Variants in ZDHHC14 observed in about 807,000 individuals in gnomAD.
The protein encoded by ZDHHC14 is palmitoyltransferase ZDHHC14.
Under a neutral mutation model 47.7 loss-of-function variants are expected in ZDHHC14, and 16 were observed. That is an observed-to-expected ratio of 0.34 (90% CI 0.23 to 0.51). The LOEUF (loss-of-function observed/expected upper bound fraction) is 0.51, where lower values mean the gene tolerates loss of function less well. Among genes scored for constraint, ZDHHC14 ranks in the 20% least tolerant of loss-of-function variants. The probability of loss-of-function intolerance (pLI) is 0.97; values close to 1 mark genes in which losing one functional copy is unlikely to be tolerated. For synonymous variants in ZDHHC14, 293 were observed against 278.9 expected (o/e 1.05, Z -0.50); for missense variants, 515 against 662.5 (o/e 0.78, Z 2.44).
intron 1 of ZDHHC14, among the ~76,000 whole-genome samples, chr6:157,497,795 A>G (rs1214618661): frequency 2.0e-5 from 3 of 152,342 alleles, no homozygotes; most frequent in Non-Finnish European, 4.4e-5. Flanking sequence ...GACTTGCCCA[A>G]TCATACTACT....
At chr6:157,398,628 C>A (rs1159425121) in intron 1 of ZDHHC14, among the ~76,000 whole-genome samples, 1 of 152,160 alleles carries the variant, frequency 6.6e-6, no homozygotes, top group Non-Finnish European at 1.5e-5. Context: ...ATTACTGATG[C>A]TCCAGAAACA....
At chr6:157,535,355 G>A (rs559195393) in intron 1 of ZDHHC14, among the ~76,000 whole-genome samples, 34 of 152,238 alleles carry the variant, frequency 2.2e-4, no homozygotes, top group Non-Finnish European at 3.5e-4. Context: ...TCCTCGACTC[G>A]GTAGGGTGAC....
chr6:157,504,964 C>G (rs1189669625), intron 1 of ZDHHC14, among the ~76,000 whole-genome samples: 1 of 151,918 alleles, frequency 6.6e-6, no homozygotes, highest in African/African-American at 2.4e-5. Context: ...GTGAGCGCCA[C>G]CACACCCGGC....
At chr6:157,598,343 C>T (rs1297506035) in intron 3 of ZDHHC14, among the ~76,000 whole-genome samples, 2 of 152,098 alleles carry the variant, frequency 1.3e-5, no homozygotes, top group Non-Finnish European at 2.9e-5. Context: ...AGCTGAGATT[C>T]GTATCCTTGT....
At chr6:157,513,166 G>T (rs1433122600) in intron 1 of ZDHHC14, among the ~76,000 whole-genome samples, 1 of 152,210 alleles carries the variant, frequency 6.6e-6, no homozygotes, top group Non-Finnish European at 1.5e-5. Context: ...CAGCTTGTTC[G>T]TGACGTCTCG....
chr6:157,412,855 A>G (rs1047268966), intron 1 of ZDHHC14, among the ~76,000 whole-genome samples: 2 of 152,230 alleles, frequency 1.3e-5, no homozygotes, highest in African/African-American at 4.8e-5. Flanking sequence ...GTGAGGATAT[A>G]GCGTTGGGAA....
chr6:157,419,353 T>C (rs1393257582), intron 1 of ZDHHC14, among the ~76,000 whole-genome samples: 2 of 152,204 alleles, frequency 1.3e-5, no homozygotes, highest in African/African-American at 2.4e-5. Flanking sequence ...AAATAGTTTT[T>C]TCATATCAGA....
Position 157,677,256 on chromosome 6 carries a change from A to C in ZDHHC14, c.*4134A>C, listed in dbSNP as rs1376656712. 4 of 151,746 alleles carry C rather than the reference A, an allele frequency of 2.6e-5. No individual in the cohort carries two copies. Among genetic ancestry groups the C allele is most frequent in the African/African-American group, 7.3e-5 (3 of 41,332 alleles). The allele number at this position is 151,746 out of a possible 1,614,324, so 9.4% of individuals were successfully genotyped here. ...TACCTCATTTAAAAAAAAAAAAAAA[A>C]AAAAACTGCCTCTCATTTGTTCCCT... On this transcript the variant is annotated 3_prime_UTR_variant, in exon 9 of 9. Coordinates refer to ENST00000359775, the MANE Select transcript of ZDHHC14 (RefSeq NM_024630.3).
At chr6:157,390,065 A>C (rs186225597) in intron 1 of ZDHHC14, among the ~76,000 whole-genome samples, 25 of 152,188 alleles carry the variant, frequency 1.6e-4, no homozygotes, top group Admixed American at 8.5e-4. Flanking sequence ...AATTATTATC[A>C]GCATTTCTTA....
chr6:157,560,296 A>G (rs1008738621), intron 2 of ZDHHC14, among the ~76,000 whole-genome samples: 7 of 152,232 alleles, frequency 4.6e-5, no homozygotes, highest in African/African-American at 1.4e-4. Flanking sequence ...ACCTTCTTCA[A>G]AAGCCTGTGG....
chr6:157,458,089 C>T (rs1048870256), intron 1 of ZDHHC14, among the ~76,000 whole-genome samples: 2 of 152,234 alleles, frequency 1.3e-5, no homozygotes, highest in African/African-American at 4.8e-5. Flanking sequence ...CCTCTTTCTG[C>T]ACTCGGTATG....
chr6:157,440,047 C>G (rs922383733), intron 1 of ZDHHC14, among the ~76,000 whole-genome samples: 2 of 152,042 alleles, frequency 1.3e-5, no homozygotes, highest in African/African-American at 4.8e-5. Context: ...GGAAAAATGG[C>G]TAATGCATGC....
intron 1 of ZDHHC14, among the ~76,000 whole-genome samples, chr6:157,439,197 C>G (rs1778510342): frequency 6.6e-6 from 1 of 152,096 alleles, no homozygotes; most frequent in African/African-American, 2.4e-5. Flanking sequence ...CATCTTAGGG[C>G]CTTTAAGAAA....
At chr6:157,399,610 A>G (rs1034456324) in intron 1 of ZDHHC14, among the ~76,000 whole-genome samples, 5 of 152,258 alleles carry the variant, frequency 3.3e-5, no homozygotes, top group Admixed American at 1.3e-4. Context: ...AGGCTCTGGA[A>G]CCAGGATCCC....
intron 1 of ZDHHC14, among the ~76,000 whole-genome samples, chr6:157,471,540 CG>C (rs1779355358): frequency 6.6e-6 from 1 of 152,222 alleles, no homozygotes. Flanking sequence ...ATGCTGCCTT[CG>C]ATGAGAAGGA....
chr6:157,472,690 C>G (rs990498838), intron 1 of ZDHHC14, among the ~76,000 whole-genome samples: 1 of 152,168 alleles, frequency 6.6e-6, no homozygotes, highest in African/African-American at 2.4e-5. Flanking sequence ...AGCACATGCT[C>G]TAGAAGCAGT....
At chr6:157,438,939 A>T (rs1392645736) in intron 1 of ZDHHC14, among the ~76,000 whole-genome samples, 2 of 152,206 alleles carry the variant, frequency 1.3e-5, no homozygotes, top group Non-Finnish European at 2.9e-5. Flanking sequence ...GAGTGCCAAG[A>T]ACTGAATTCA....
chr6:157,464,917 C>T (rs1583669688), intron 1 of ZDHHC14, among the ~76,000 whole-genome samples: 1 of 152,260 alleles, frequency 6.6e-6, no homozygotes, highest in Admixed American at 6.5e-5. Flanking sequence ...TTCGTCGCAG[C>T]AGGGTGGTCT....
chr6:157,567,464 G>A (rs1782945447), intron 2 of ZDHHC14, among the ~76,000 whole-genome samples: 1 of 152,162 alleles, frequency 6.6e-6, no homozygotes. Context: ...CTCAGGTTAT[G>A]TGACCTTCAA....
Sources: gnomAD v4.1 joint callset for allele counts (sites outside exome capture counted in the v4.1 genomes callset) on GRCh38, gnomAD v4.1.1 for gene constraint, MANE v1.5 for transcripts, NCBI Gene and HGNC (gene_info 2026-07-23, HGNC 2026-07-21) for gene names.